BCL7A: variants seen among roughly 807,000 people sequenced by gnomAD.
BCL7A encodes the protein B-cell CLL/lymphoma 7 protein family member A.
BCL7A carries 11 observed loss-of-function variants against 28.4 expected under a neutral mutation model. That is an observed-to-expected ratio of 0.39 (90% CI 0.24 to 0.64). The LOEUF (loss-of-function observed/expected upper bound fraction) is 0.64, where lower values mean the gene tolerates loss of function less well. BCL7A is among the 30% of genes least tolerant of loss of function. The pLI is 0.50. For synonymous variants in BCL7A, 123 were observed against 103.3 expected (o/e 1.19, Z -1.15); for missense variants, 222 against 274.8 (o/e 0.81, Z 1.36).
chr12:122,035,438 A>G lies in BCL7A; in HGVS notation c.271+11A>G, dbSNP rs770075209. 1.9e-6 allele frequency: 3 copies of G among 1,611,286 alleles called. No individual in the cohort carries two copies. The highest frequency in any genetic ancestry group is 1.7e-5 in the Admixed American group (1 of 59,982). On this transcript the variant is annotated intron_variant, in intron 3 of 5. Transcript: ENST00000261822. ...TGATGGACATGCATGGTGAGTGCCC[A>G]TGGCCTGCCAGCCTCTCCTGCCCAG...
At chr12:122,024,804 T>C (rs2135836788) in intron 1 of BCL7A, among the ~76,000 whole-genome samples, 1 of 152,328 alleles carries the variant, frequency 6.6e-6, no homozygotes, top group East Asian at 1.9e-4. Context: ...TTATCTAATT[T>C]ATCTGAAATG....
chr12:122,030,247 G>A (rs746829927), intron 1 of BCL7A, among the ~76,000 whole-genome samples: 9 of 152,206 alleles, frequency 5.9e-5, no homozygotes, highest in Non-Finnish European at 7.3e-5. Context: ...GACCTCAGAC[G>A]CATCGCCCAG....
At chr12:122,023,437 C>G (rs1883523601) in intron 1 of BCL7A, among the ~76,000 whole-genome samples, 1 of 151,938 alleles carries the variant, frequency 6.6e-6, no homozygotes, top group African/African-American at 2.4e-5. Context: ...CTAAAAGCCA[C>G]TGGGGGCGAG....
intron 1 of BCL7A, among the ~76,000 whole-genome samples, chr12:122,025,886 G>GCA: frequency 7.0e-6 from 1 of 142,658 alleles, no homozygotes; most frequent in South Asian, 2.2e-4. Context: ...GGCGCAGGTT[G>GCA]CAGTAAGCCG....
At chr12:122,041,203 A>G (rs1285164909) in intron 3 of BCL7A, among the ~76,000 whole-genome samples, 2 of 152,140 alleles carry the variant, frequency 1.3e-5, no homozygotes, top group East Asian at 3.9e-4. Context: ...GGGTCCGGCA[A>G]GTGGCTCTGC....
intron 1 of BCL7A, among the ~76,000 whole-genome samples, chr12:122,025,772 C>A (rs1372263154): frequency 1.3e-5 from 2 of 150,792 alleles, no homozygotes; most frequent in East Asian, 2.0e-4. Flanking sequence ...ATGGTGAAAC[C>A]CTGTCTCTAC....
At chr12:122,043,759 G>C (rs1311671571) in intron 3 of BCL7A, 127 bp from the exon 4 acceptor site, 5 of 927,052 alleles carry the variant, frequency 5.4e-6, no homozygotes, top group Non-Finnish European at 1.5e-6. Flanking sequence ...ACGGTAACCA[G>C]ACCCCTCCCC....
chr12:122,044,846 A>C lies in BCL7A; in HGVS notation c.439+793A>C, dbSNP rs1227469106. 2.0e-5 allele frequency among the ~76,000 whole-genome samples: 3 copies of C among 152,172 alleles called. No homozygotes were observed. The East Asian group carries it at 5.8e-4, about 29-fold the overall frequency. ...GGCTCAAAATATAATTATATTAATA[A>C]ATTTTAAATGTATTTAAAAATCAGA... On this transcript the variant is annotated intron_variant, in intron 4 of 5. Coordinates refer to ENST00000261822, the MANE Select transcript of BCL7A (RefSeq NM_001024808.3).
intron 4 of BCL7A, among the ~76,000 whole-genome samples, chr12:122,052,550 C>CAG (rs1171179723): frequency 6.6e-6 from 1 of 152,226 alleles, no homozygotes; most frequent in East Asian, 1.9e-4. Flanking sequence ...AACCACGAAA[C>CAG]TTTCTGTCTC....
In BCL7A at chr12:122,057,532, AG is replaced by A. The variant is rs1053235563; in HGVS notation, c.562-1553del. On this transcript the variant is annotated intron_variant, in intron 5 of 5. Coordinates refer to ENST00000261822, the MANE Select transcript of BCL7A (RefSeq NM_001024808.3). ...TCAGCCAGGCCAGAGGCCGGGTTGG[AG>A]GGGGGGTGCGGGCGGAGAGGTGGCT... Among the ~76,000 whole-genome samples, 10 of 151,778 alleles carry A rather than the reference AG, an allele frequency of 6.6e-5. No individual in the cohort carries two copies. In the South Asian group the frequency reaches 1.9e-3, roughly 28 times the overall value.
chr12:122,038,647 CTG>C (rs1486175450), intron 3 of BCL7A, among the ~76,000 whole-genome samples: 2 of 152,046 alleles, frequency 1.3e-5, no homozygotes, highest in Non-Finnish European at 2.9e-5. Context: ...CGACTCAGGA[CTG>C]AGGTTGGATT....
At chr12:122,034,143 A>T (rs1883797847) in intron 2 of BCL7A, among the ~76,000 whole-genome samples, 1 of 136,134 alleles carries the variant, frequency 7.3e-6, no homozygotes, top group Admixed American at 7.5e-5. Flanking sequence ...ACACACACAC[A>T]TCCTTTGCTT....
intron 3 of BCL7A, among the ~76,000 whole-genome samples, chr12:122,038,375 T>C (rs1447637037): frequency 1.1e-4 from 14 of 130,544 alleles, no homozygotes; most frequent in Non-Finnish European, 1.7e-4. Flanking sequence ...GAGGCTGCAG[T>C]GAGCTAAGAT....
intron 1 of BCL7A, among the ~76,000 whole-genome samples, chr12:122,025,491 G>A (rs1883604797): frequency 6.6e-6 from 1 of 152,046 alleles, no homozygotes; most frequent in Non-Finnish European, 1.5e-5. Context: ...GCCAGGCGTG[G>A]TGGCGGGCGC....
chr12:122,037,116 C>T (rs1030335153), intron 3 of BCL7A, among the ~76,000 whole-genome samples: 19 of 152,302 alleles, frequency 1.2e-4, no homozygotes, highest in Middle Eastern at 3.4e-3. Flanking sequence ...TGTGCTCCCT[C>T]GAGGCAAGGG....
Position 122,034,190 on chromosome 12 carries a change from CATATATATATATATATAT to C in BCL7A, c.175-1104_175-1087del, listed in dbSNP as rs55770934. ...TGAGGCTCACGTATCCTGCATCTTT[CATATATATATATATATAT>C]ATATATATATATATATATATATATA... On this transcript the variant is annotated intron_variant, in intron 2 of 5. Coordinates refer to ENST00000261822, the MANE Select transcript of BCL7A (RefSeq NM_001024808.3). Among the ~76,000 whole-genome samples the C allele has an allele frequency of 4.6e-3, 447 of 97,568 alleles. 6 individuals carry two copies. The highest frequency in any genetic ancestry group is 0.013 in the African/African-American group (322 of 23,930). The allele number at this position is 97,568 out of a possible 152,430, so 64.0% of individuals were successfully genotyped here.
intron 1 of BCL7A, among the ~76,000 whole-genome samples, chr12:122,028,415 T>C (rs1487147204): frequency 6.6e-6 from 1 of 151,956 alleles, no homozygotes; most frequent in Non-Finnish European, 1.5e-5. Context: ...TCAATTACTT[T>C]TTTTTTTTTT....
At chr12:122,037,061 G>A (rs951047931) in intron 3 of BCL7A, among the ~76,000 whole-genome samples, 8 of 152,188 alleles carry the variant, frequency 5.3e-5, no homozygotes, top group African/African-American at 1.2e-4. Flanking sequence ...GGAAATCTCC[G>A]TCCTGCCATC....
At chr12:122,045,248 GCA>G (rs1884049962) in intron 4 of BCL7A, among the ~76,000 whole-genome samples, 3 of 152,274 alleles carry the variant, frequency 2.0e-5, no homozygotes, top group East Asian at 3.9e-4. Context: ...GAGTGTGGTG[GCA>G]TGTGCCTGTA....
Sources: allele counts gnomAD v4.1 joint callset (sites outside exome capture counted in the v4.1 genomes callset), GRCh38; gene constraint gnomAD v4.1.1; transcripts MANE v1.5; gene names NCBI Gene and HGNC (gene_info 2026-07-23, HGNC 2026-07-21).